The following WDR13 variants were observed in gnomAD, a reference collection of about 807,000 sequenced individuals.
The protein encoded by WDR13 is WD repeat domain 13, also known as WD repeat-containing protein 13.
Under a neutral mutation model 28.6 loss-of-function variants are expected in WDR13, and 1 was observed. The observed-to-expected ratio is 0.03, with a 90% confidence interval of 0.01 to 0.17. The LOEUF (loss-of-function observed/expected upper bound fraction) is 0.17. Among genes scored for constraint, WDR13 ranks in the 10% least tolerant of loss-of-function variants. The probability of loss-of-function intolerance (pLI) is 1.00; values close to 1 mark genes in which losing one functional copy is unlikely to be tolerated. For synonymous variants in WDR13, 201 were observed against 185.9 expected, an observed-to-expected ratio of 1.08 and a Z score of -0.66; for missense variants, 264 against 469.3, an observed-to-expected ratio of 0.56 and a Z score of 4.04.
chrX:48,598,256 G>A, intron 2 of WDR13: 1 of 1,083,635 alleles, frequency 9.2e-7, no homozygotes. Context: ...ATGTGGGCAT[G>A]CGCAAAGCGG....
At position 48,605,115 on chromosome X, in the gene WDR13, C is replaced by A. The variant is rs782543243; in HGVS notation, c.*83C>A. 9 of 1,089,367 alleles carry A rather than the reference C, an allele frequency of 8.3e-6. No homozygotes were observed. In the African/African-American group the frequency reaches 1.7e-4, roughly 20 times the overall value. The allele number at this position is 1,089,367 out of a possible 1,213,427, so 89.8% of individuals were successfully genotyped here. On this transcript the variant is annotated 3_prime_UTR_variant, in exon 10 of 10. Coordinates refer to ENST00000376729, the MANE Select transcript of WDR13 (RefSeq NM_001347217.2). Reference sequence around the variant, plus strand: ...TGTAAATAAAGTTTCGGTGGTCATGCTGAGGGCCGGCTCCCAGCTCTGCCG... The same window carrying A: ...TGTAAATAAAGTTTCGGTGGTCATGATGAGGGCCGGCTCCCAGCTCTGCCG...
intron 2 of WDR13, 191 bp downstream of exon 2, chrX:48,598,228 C>G: frequency 1.8e-6 from 2 of 1,107,804 alleles, no homozygotes; most frequent in Admixed American, 3.9e-5. Context: ...AAACAGCAAG[C>G]TGGGAAAATG....
At chrX:48,604,174 T>C in intron 8 of WDR13, 98 bp from the exon 9 acceptor site, 1 of 734,973 alleles carries the variant, frequency 1.4e-6, no homozygotes, top group South Asian at 2.6e-5. Flanking sequence ...TCATGAACCC[T>C]GTAAAGAACT....
At chrX:48,598,342 T>C (rs1377583873) in intron 2 of WDR13, 2 of 1,020,505 alleles carry the variant, frequency 2.0e-6, no homozygotes, top group Non-Finnish European at 2.5e-6. Context: ...CTTTTTTTTT[T>C]TTACATCATC....
chrX:48,598,182 C>T, intron 2 of WDR13, 145 bp downstream of exon 2: 6 of 1,131,849 alleles, frequency 5.3e-6, no homozygotes, highest in South Asian at 2.1e-5. Context: ...GGGGCGGGCA[C>T]GCCCGCGGTG....
rs201415075 is a variant in WDR13 at position 48,601,844 on chromosome X, G to T, written c.892G>T (p.Gly298Trp). ...CATCTCCACAGGCAAGAAAGTGAAG[G>T]GGGGCTCCAGCAAGCTGACAGGCCG... ...MNISTGKKVK[G>W]GSSKLTGRVL... The change falls in exon 7 of 10, where the codon GGG becomes TGG. Residue 298 changes from glycine to tryptophan, a missense_variant. Physicochemically the swap from Gly to Trp is radical, Grantham distance 184. This residue lies in a region of WDR13 where 157 missense variants were observed against 270.2 expected (regional missense o/e 0.58). Coordinates refer to ENST00000376729, the MANE Select transcript of WDR13 (RefSeq NM_001347217.2). 117 of 1,202,565 alleles carry T rather than the reference G, an allele frequency of 9.7e-5. No individual in the cohort carries two copies. The Middle Eastern group carries it at 1.4e-3, about 14-fold the overall frequency.
rs782677176 is a variant in WDR13 at position 48,598,646 on chromosome X, A to ACCC, written c.42-62_42-60dup. 4.8e-6 allele frequency: 4 copies of ACCC among 828,064 alleles called. 1 individual carries two copies. The African/African-American group carries it at 1.3e-4, about 27-fold the overall frequency. 68.2% of individuals were successfully genotyped at this position (828,064 alleles called of 1,213,427 possible). ...GCCACACACCTCACTCTCCTGCCGTACCCCCCCCCCCGAGCTGATTGATTC... is the reference window on the plus strand; with the variant it reads ...GCCACACACCTCACTCTCCTGCCGTACCCCCCCCCCCCCCGAGCTGATTGATTC... On this transcript the variant is annotated intron_variant, in intron 2 of 9. Transcript: ENST00000376729.
chrX:48,604,155 AT>A, intron 8 of WDR13, 116 bp from the exon 9 acceptor site: 1 of 596,545 alleles, frequency 1.7e-6, no homozygotes, highest in Non-Finnish European at 2.6e-6. Flanking sequence ...AAAAAAAAAA[AT>A]ATGGGTTTCA....
intron 8 of WDR13, among the ~76,000 whole-genome samples, chrX:48,603,124 T>C (rs1556995140): frequency 1.8e-5 from 2 of 112,033 alleles, no homozygotes; most frequent in Non-Finnish European, 3.8e-5. Flanking sequence ...CATGCGATTC[T>C]CCCACCTCAG....
intron 6 of WDR13, 62 bp from the exon 7 acceptor site, chrX:48,601,722 T>A (rs1463304115): frequency 9.3e-7 from 1 of 1,080,384 alleles, no homozygotes; most frequent in Non-Finnish European, 1.2e-6. Flanking sequence ...AGCCCCACTG[T>A]GGTCAGACTC....
chrX:48,607,378 T>TGGGG lies in WDR13; in HGVS notation c.*2348_*2349insGGGG. The stretch of plus-strand genomic sequence containing the variant: ...TGTTGTTGTTGTTTTGGTTTTTTTT[T>TGGGG]GGCGGGGGGGGGGGGGTCTTGCTCT... On this transcript the variant is annotated 3_prime_UTR_variant, in exon 10 of 10. Coordinates refer to ENST00000376729, the MANE Select transcript of WDR13 (RefSeq NM_001347217.2). 1 of 1,430 alleles carries TGGGG rather than the reference T, an allele frequency of 7.0e-4. No homozygotes were observed. Among genetic ancestry groups the TGGGG allele is most frequent in the Admixed American group, 0.013 (1 of 76 alleles). The allele number at this position is 1,430 out of a possible 1,213,427, so 0.1% of individuals were successfully genotyped here.
chrX:48,602,885 T>C (rs1397287332), intron 8 of WDR13, among the ~76,000 whole-genome samples: 1 of 111,493 alleles, frequency 9.0e-6, no homozygotes, highest in Non-Finnish European at 1.9e-5. Flanking sequence ...GTTTGCCCAT[T>C]TCCCACAGCC....
intron 8 of WDR13, among the ~76,000 whole-genome samples, chrX:48,603,774 G>GT (rs1275508868): frequency 9.0e-6 from 1 of 111,649 alleles, no homozygotes; most frequent in Non-Finnish European, 1.9e-5. Flanking sequence ...GGGCTGTGCA[G>GT]TTTTCCACAG....
chrX:48,601,859 C>A lies in WDR13; in HGVS notation c.907C>A (p.Leu303Met). Residue 303 changes from leucine to methionine, a missense_variant, in exon 7 of 10, where the codon CTG becomes ATG. Physicochemically the swap from Leu to Met is conservative, Grantham distance 15. Around this residue, in one of 4 missense-constraint regions of WDR13, gnomAD observed 157 missense variants for 270.2 expected, o/e 0.58. Coordinates refer to ENST00000376729, the MANE Select transcript of WDR13 (RefSeq NM_001347217.2). ...GKKVKGGSSK[L>M]TGRVLALSFD... ...GAAAGTGAAGGGGGGCTCCAGCAAG[C>A]TGACAGGCCGTGTCCTTGCTCTGTC... The A allele has an allele frequency of 8.3e-7, 1 of 1,206,017 alleles. No homozygotes were observed. The highest frequency in any genetic ancestry group is 1.1e-6 in the Non-Finnish European group (1 of 891,836).
intron 2 of WDR13, 198 bp from the exon 3 acceptor site, chrX:48,598,519 C>A: frequency 9.4e-7 from 1 of 1,059,329 alleles, no homozygotes. Flanking sequence ...AAACTGACCT[C>A]ATGACCATGC....
At position 48,605,165 on chromosome X, in the gene WDR13, G is replaced by A. The variant is rs782573772; in HGVS notation, c.*133G>A. 106 of 808,231 alleles carry A rather than the reference G, an allele frequency of 1.3e-4. No individual in the cohort carries two copies. The highest frequency in any genetic ancestry group is 1.6e-4 in the Non-Finnish European group (92 of 584,793). 66.6% of individuals were successfully genotyped at this position (808,231 alleles called of 1,213,427 possible). Reference sequence around the variant, plus strand: ...GGGGACGGACAGGGCAGAGGGCAGCGGGCAGCTCCAGGAACACGGTGGAAC... The same window carrying A: ...GGGGACGGACAGGGCAGAGGGCAGCAGGCAGCTCCAGGAACACGGTGGAAC... On this transcript the variant is annotated 3_prime_UTR_variant, in exon 10 of 10. Coordinates refer to ENST00000376729, the MANE Select transcript of WDR13 (RefSeq NM_001347217.2).
rs782039881 is a variant in WDR13 at position 48,598,085 on chromosome X, A to C, written c.41+48A>C. ...ATGGGAGCAGAACTTACTGTGGTGC[A>C]TGCGCAATGGCGATAAGTGAGGCTG... On this transcript the variant is annotated intron_variant, in intron 2 of 9. Transcript: ENST00000376729. 3.2e-5 allele frequency: 37 copies of C among 1,157,479 alleles called. No homozygotes were observed. In the South Asian group the frequency reaches 6.3e-4, roughly 20 times the overall value.
chrX:48,598,897 T>C lies in WDR13; in HGVS notation c.222T>C (p.Ser74=), dbSNP rs782803660. 35 of 1,210,129 alleles carry C rather than the reference T, an allele frequency of 2.9e-5. No individual in the cohort carries two copies. In the South Asian group the frequency reaches 5.8e-4, roughly 20 times the overall value. The change falls in exon 3 of 10, where the codon AGT becomes AGC. Residue 74 remains serine, a synonymous_variant. Coordinates refer to ENST00000376729, the MANE Select transcript of WDR13 (RefSeq NM_001347217.2). ...QRYGPLSEPG[S]ARAYSNSIVR... ...ACGGGCCCCTCTCCGAGCCAGGCAGTGCTCGTGCCTATAGCAACAGCATCG... is the reference window on the plus strand; with the variant it reads ...ACGGGCCCCTCTCCGAGCCAGGCAGCGCTCGTGCCTATAGCAACAGCATCG...
rs782688555 is a variant in WDR13, at chrX:48,605,140, G to A, written c.*108G>A. On this transcript the variant is annotated 3_prime_UTR_variant, in exon 10 of 10. Coordinates refer to ENST00000376729, the MANE Select transcript of WDR13 (RefSeq NM_001347217.2). ...CTGAGGGCCGGCTCCCAGCTCTGCC[G>A]GGGACGGACAGGGCAGAGGGCAGCG... 19 of 1,011,696 alleles carry A rather than the reference G, an allele frequency of 1.9e-5. No homozygotes were observed. Among genetic ancestry groups the A allele is most frequent in the Middle Eastern group, 2.7e-4 (1 of 3,725 alleles). The allele number at this position is 1,011,696 out of a possible 1,213,427, so 83.4% of individuals were successfully genotyped here.
Sources: gnomAD v4.1 joint callset for allele counts (sites outside exome capture counted in the v4.1 genomes callset) on GRCh38, gnomAD v4.1.1 for gene constraint, gnomAD v4.1.1 regional missense constraint, MANE v1.5 for transcripts, NCBI Gene and HGNC (gene_info 2026-07-23, HGNC 2026-07-21) for gene names.